The following AP3S2 variants were observed in gnomAD, a reference collection of about 807,000 sequenced individuals.
AP3S2 encodes AP-3 complex subunit sigma-2.
Under a neutral mutation model 23.4 loss-of-function variants are expected in AP3S2, and 22 were observed. The observed-to-expected ratio is 0.94, with a 90% CI of 0.67 to 1.34. The LOEUF is 1.34. AP3S2 is among the 40% of genes most tolerant of loss of function. The pLI, the probability that AP3S2 is intolerant of heterozygous loss-of-function variation, is 0.00. For missense variants in AP3S2, 241 were observed against 236.9 expected, an observed-to-expected ratio of 1.02 and a Z score of -0.11; for synonymous variants, 86 against 87.1, an observed-to-expected ratio of 0.99 and a Z score of 0.07.
intron 4 of AP3S2, among the ~76,000 whole-genome samples, chr15:89,868,721 C>T (rs1473894054): frequency 3.1e-4 from 36 of 116,798 alleles, no homozygotes; most frequent in African/African-American, 1.2e-3. Context: ...CCCGGCCAGC[C>T]GCCCCGTCTG....
Position 89,859,180 on chromosome 15 carries a change from T to C in AP3S2, c.345+12295A>G, listed in dbSNP as rs553084875. 6.0e-5 allele frequency among the ~76,000 whole-genome samples: 9 copies of C among 150,122 alleles called. No individual in the cohort carries two copies. The South Asian group carries it at 8.5e-4, about 14-fold the overall frequency. The stretch of plus-strand genomic sequence containing the variant: ...AGCCCAAGTGTCCTTCCTTCCTTCC[T>C]TTCTTCCTTCCTTCCCTCTCTCCTT... On this transcript the variant is annotated intron_variant, in intron 4 of 5. Transcript: ENST00000336418.
At chr15:89,876,578 CAA>C (rs1896448153) in intron 3 of AP3S2, 1 of 152,318 alleles carries the variant, frequency 6.6e-6, no homozygotes, top group African/African-American at 2.4e-5. Context: ...AAGCAGAAGA[CAA>C]GAGAGAAAGA....
At chr15:89,869,916 C>T (rs1484914749) in intron 4 of AP3S2, among the ~76,000 whole-genome samples, 2 of 152,076 alleles carry the variant, frequency 1.3e-5, no homozygotes, top group Admixed American at 1.3e-4. Context: ...AATTTTTGTA[C>T]TTTTAGTAGA....
intron 1 of AP3S2, among the ~76,000 whole-genome samples, chr15:89,891,568 A>T (rs770026141): frequency 1.6e-4 from 25 of 151,918 alleles, no homozygotes; most frequent in Non-Finnish European, 3.7e-4. Context: ...CTGAGGCAGG[A>T]GAATCACTTG....
intron 4 of AP3S2, among the ~76,000 whole-genome samples, chr15:89,858,707 C>T (rs1206154135): frequency 2.6e-5 from 4 of 152,202 alleles, no homozygotes; most frequent in African/African-American, 7.2e-5. Flanking sequence ...TTCGTTTTAT[C>T]TGCAACATAT....
chr15:89,886,674 C>T (rs1896709248), intron 3 of AP3S2: 2 of 152,190 alleles, frequency 1.3e-5, no homozygotes, highest in South Asian at 4.1e-4. Context: ...TTTCTATAGC[C>T]TGCTACATAC....
chr15:89,875,123 G>A (rs1896412544), intron 3 of AP3S2, among the ~76,000 whole-genome samples: 1 of 152,250 alleles, frequency 6.6e-6, no homozygotes, highest in African/African-American at 2.4e-5. Flanking sequence ...AAAGCTTTGA[G>A]GTGGCTGGTA....
intron 3 of AP3S2, among the ~76,000 whole-genome samples, chr15:89,887,507 G>T (rs1283122432): frequency 6.6e-6 from 1 of 151,708 alleles, no homozygotes; most frequent in Admixed American, 6.6e-5. Context: ...GAGTAGCTGG[G>T]ATTACTGGCA....
At chr15:89,845,306 C>T (rs923584043) in intron 4 of AP3S2, 1 of 152,162 alleles carries the variant, frequency 6.6e-6, no homozygotes, top group African/African-American at 2.4e-5. Flanking sequence ...GATCTGGAAA[C>T]ATCACAACTG....
rs567031673 is a variant in AP3S2, at chr15:89,840,884, T to C, written c.346-3162A>G. 2.6e-4 allele frequency among the ~76,000 whole-genome samples: 39 copies of C among 152,334 alleles called. 1 individual carries two copies. The highest frequency in any genetic ancestry group is 9.1e-4 in the African/African-American group (38 of 41,588). ...CATACTTCCTCAGAATCCCAAACTA[T>C]GTCTTCCACTCTATTCATCCCTGAC... On this transcript the variant is annotated intron_variant, in intron 4 of 5. Coordinates refer to ENST00000336418, the MANE Select transcript of AP3S2 (RefSeq NM_005829.5).
At chr15:89,852,036 A>G (rs185267916) in intron 4 of AP3S2, among the ~76,000 whole-genome samples, 12 of 152,318 alleles carry the variant, frequency 7.9e-5, no homozygotes, top group African/African-American at 2.9e-4. Flanking sequence ...GCAGGCGGGA[A>G]TACTACAGGC....
intron 4 of AP3S2, among the ~76,000 whole-genome samples, chr15:89,870,553 A>G (rs1055399307): frequency 2.6e-5 from 4 of 152,188 alleles, no homozygotes; most frequent in Non-Finnish European, 5.9e-5. Context: ...GGATCTGCCA[A>G]CCTCAACAGA....
intron 3 of AP3S2, among the ~76,000 whole-genome samples, chr15:89,885,191 T>G (rs529702220): frequency 1.3e-5 from 2 of 152,028 alleles, no homozygotes; most frequent in Admixed American, 1.3e-4. Flanking sequence ...TTGGGCAGTT[T>G]TTTGTTCTTG....
At chr15:89,835,954 G>A (rs896250272) in intron 5 of AP3S2, among the ~76,000 whole-genome samples, 3 of 152,176 alleles carry the variant, frequency 2.0e-5, no homozygotes, top group African/African-American at 4.8e-5. Flanking sequence ...CTTGAACTCA[G>A]AAGGCGGAGG....
rs1895076829 is a variant in AP3S2, at chr15:89,831,521, A to G, written c.*3994T>C. 1 of 152,264 alleles carries G rather than the reference A, an allele frequency of 6.6e-6. No homozygotes were observed. Among genetic ancestry groups the G allele is most frequent in the Non-Finnish European group, 1.5e-5 (1 of 68,052 alleles). 9.4% of individuals were successfully genotyped at this position (152,264 alleles called of 1,614,324 possible). Reference sequence around the variant, plus strand: ...CGATCTTAATACCCATGTACCAATCATTGCTGCATCCTATTTGGAAAGCAA... The same window carrying G: ...CGATCTTAATACCCATGTACCAATCGTTGCTGCATCCTATTTGGAAAGCAA... On this transcript the variant is annotated 3_prime_UTR_variant, in exon 6 of 6. Transcript: ENST00000336418.
chr15:89,851,883 C>T (rs1315850803), intron 4 of AP3S2, among the ~76,000 whole-genome samples: 1 of 151,916 alleles, frequency 6.6e-6, no homozygotes, highest in Non-Finnish European at 1.5e-5. Context: ...TACCTGTTTG[C>T]ACTGCTGATC....
intron 3 of AP3S2, among the ~76,000 whole-genome samples, chr15:89,880,348 T>C (rs2141892564): frequency 6.6e-6 from 1 of 152,260 alleles, no homozygotes. Flanking sequence ...GAAAAACAAC[T>C]GCCACAAAGG....
chr15:89,878,488 A>G lies in AP3S2; in HGVS notation c.274-6942T>C, dbSNP rs74588338. Among the ~76,000 whole-genome samples the G allele has an allele frequency of 4.9e-4, 75 of 152,346 alleles. No homozygotes were observed. The East Asian group carries it at 0.014, about 28-fold the overall frequency. On this transcript the variant is annotated intron_variant, in intron 3 of 5. Transcript: ENST00000336418. ...AAGATACGCAGCCTCACCACTATTCAGGGAAACTCTAGTGAAAACAATGAA... is the reference window on the plus strand; with the variant it reads ...AAGATACGCAGCCTCACCACTATTCGGGGAAACTCTAGTGAAAACAATGAA...
At chr15:89,867,968 G>A (rs1307562152) in intron 4 of AP3S2, among the ~76,000 whole-genome samples, 3 of 147,764 alleles carry the variant, frequency 2.0e-5, no homozygotes, top group Admixed American at 6.7e-5. Flanking sequence ...CCGGCCAGCC[G>A]TGCCATCCGG....
Sources: allele counts gnomAD v4.1 joint callset (sites outside exome capture counted in the v4.1 genomes callset), GRCh38; gene constraint gnomAD v4.1.1; transcripts MANE v1.5; gene names NCBI Gene and HGNC (gene_info 2026-07-23, HGNC 2026-07-21).